The following NCOA3 variants were observed in gnomAD, a reference collection of about 807,000 sequenced individuals.
NCOA3 encodes the protein CBP-interacting protein.
Under a neutral mutation model 158.8 loss-of-function variants are expected in NCOA3, and 51 were observed. That is an observed-to-expected ratio of 0.32 (90% CI 0.26 to 0.41). The LOEUF is 0.41. Ranked by LOEUF, NCOA3 falls within the 10% of genes least tolerant of loss-of-function variation. The pLI, the probability that NCOA3 is intolerant of heterozygous loss-of-function variation, is 1.00. For synonymous variants in NCOA3, 537 were observed against 592.4 expected (o/e 0.91, Z 1.36); for missense variants, 1,510 against 1,746.6 (o/e 0.86, Z 2.41).
At chr20:47,513,238 T>C (rs1428751284) in intron 1 of NCOA3, among the ~76,000 whole-genome samples, 2 of 152,142 alleles carry the variant, frequency 1.3e-5, no homozygotes, top group African/African-American at 4.8e-5. Context: ...GCCATTCTAC[T>C]TCTGGGTTCC....
intron 3 of NCOA3, 72 bp from the exon 4 acceptor site, chr20:47,623,839 A>G: frequency 1.4e-6 from 2 of 1,423,954 alleles, no homozygotes; most frequent in Non-Finnish European, 9.6e-7. Context: ...ATAGGGGCTG[A>G]TTCTGCTAAC....
chr20:47,543,688 T>G (rs543983689), intron 1 of NCOA3, among the ~76,000 whole-genome samples: 2 of 152,238 alleles, frequency 1.3e-5, no homozygotes, highest in African/African-American at 4.8e-5. Context: ...TTTTGTGCTT[T>G]TAGTGTAGAC....
intron 1 of NCOA3, among the ~76,000 whole-genome samples, chr20:47,521,340 A>G (rs1379532870): frequency 2.0e-5 from 3 of 151,590 alleles, no homozygotes; most frequent in Non-Finnish European, 4.4e-5. Flanking sequence ...CTCGAATATA[A>G]GATTTTCTTT....
At chr20:47,601,525 G>A (rs1278753404) in intron 2 of NCOA3, among the ~76,000 whole-genome samples, 1 of 152,234 alleles carries the variant, frequency 6.6e-6, no homozygotes, top group Non-Finnish European at 1.5e-5. Flanking sequence ...AATAGAATTA[G>A]CCTAAATATC....
chr20:47,518,516 C>T (rs1018991560), intron 1 of NCOA3, among the ~76,000 whole-genome samples: 1 of 151,020 alleles, frequency 6.6e-6, no homozygotes, highest in Non-Finnish European at 1.5e-5. Flanking sequence ...CTCCACCTCC[C>T]GGGTTTTCAA....
chr20:47,623,842 C>G (rs1475273425), intron 3 of NCOA3, 69 bp from the exon 4 acceptor site: 1 of 1,426,656 alleles, frequency 7.0e-7, no homozygotes, highest in African/African-American at 1.5e-5. Context: ...GGGGCTGATT[C>G]TGCTAACAGC....
At chr20:47,561,956 T>TC (rs2085113679) in intron 1 of NCOA3, among the ~76,000 whole-genome samples, 1 of 151,944 alleles carries the variant, frequency 6.6e-6, no homozygotes. Context: ...CATTGATCAT[T>TC]TTATTGTCCC....
chr20:47,519,820 T>C (rs1462669667), intron 1 of NCOA3, among the ~76,000 whole-genome samples: 1 of 151,832 alleles, frequency 6.6e-6, no homozygotes, highest in East Asian at 1.9e-4. Context: ...TGGAGTGCAA[T>C]GGCACAATCT....
intron 2 of NCOA3, among the ~76,000 whole-genome samples, chr20:47,597,613 C>T (rs1239832392): frequency 4.0e-5 from 6 of 151,550 alleles, no homozygotes; most frequent in East Asian, 2.0e-4. Context: ...CTCAGCCTCC[C>T]GAGTAGCTGG....
At chr20:47,553,842 A>G (rs901050906) in intron 1 of NCOA3, among the ~76,000 whole-genome samples, 15 of 152,132 alleles carry the variant, frequency 9.9e-5, no homozygotes, top group Non-Finnish European at 2.1e-4. Flanking sequence ...TATTGTGAAT[A>G]GTGCCGCAAT....
chr20:47,651,173 C>A lies in NCOA3; in HGVS notation c.3843C>A (p.Ser1281Arg), dbSNP rs1568758915. 6.2e-7 allele frequency: 1 copy of A among 1,613,986 alleles called. No homozygotes were observed. The change falls in exon 20 of 23, where the codon AGC (serine) becomes AGA (arginine). Residue 1281 changes from serine (S) to arginine (R), a missense_variant. By Grantham distance (110) the Ser-to-Arg change is moderately radical (BLOSUM62 -1). Transcript: ENST00000371998. ...AACAGCAGCAAACCCAGGCCTTCAG[C>A]CCACCTCCTAATGTGACTGCTTCCC... ...QQQQQQTQAFSPPPNVTASPS... is the reference protein window; with the variant it reads ...QQQQQQTQAFRPPPNVTASPS...
chr20:47,618,691 T>A (rs1229086963), intron 2 of NCOA3, among the ~76,000 whole-genome samples: 1 of 152,198 alleles, frequency 6.6e-6, no homozygotes, highest in Non-Finnish European at 1.5e-5. Context: ...GGTTGGACTC[T>A]GAAGGAGTAA....
intron 1 of NCOA3, among the ~76,000 whole-genome samples, chr20:47,502,477 C>A (rs772579107): frequency 6.6e-6 from 1 of 152,152 alleles, no homozygotes; most frequent in Admixed American, 6.6e-5. Flanking sequence ...ACCCCCCCCA[C>A]CCCAGCCTCC....
chr20:47,638,964 A>T, intron 13 of NCOA3, 44 bp from the exon 14 acceptor site: 1 of 1,462,076 alleles, frequency 6.8e-7, no homozygotes. Context: ...GATTATTTAT[A>T]TATTAAATCA....
intron 2 of NCOA3, among the ~76,000 whole-genome samples, chr20:47,606,681 A>G (rs1212777717): frequency 6.6e-6 from 1 of 152,218 alleles, no homozygotes; most frequent in African/African-American, 2.4e-5. Flanking sequence ...CGGGAAAAGC[A>G]CTTGCGCAGT....
chr20:47,582,097 T>TC (rs1374734509), intron 1 of NCOA3, among the ~76,000 whole-genome samples: 3 of 152,210 alleles, frequency 2.0e-5, no homozygotes, highest in Non-Finnish European at 4.4e-5. Flanking sequence ...TGATCACTTT[T>TC]CAAGATTCAG....
chr20:47,653,475 T>C lies in NCOA3; in HGVS notation c.*58T>C. The C allele has an allele frequency of 6.3e-7, 1 of 1,575,458 alleles. No individual in the cohort carries two copies. The highest frequency in any genetic ancestry group is 8.7e-7 in the Non-Finnish European group (1 of 1,151,698). On this transcript the variant is annotated 3_prime_UTR_variant, in exon 23 of 23. Transcript: ENST00000371998. Reference sequence around the variant, plus strand: ...CTGTACAAATGACACTGCACTAGGATTATTGGGAAGGAATCATTGTTCCAG... The same window carrying C: ...CTGTACAAATGACACTGCACTAGGACTATTGGGAAGGAATCATTGTTCCAG...
chr20:47,613,526 T>C (rs79176892), intron 2 of NCOA3, among the ~76,000 whole-genome samples: 2,563 of 151,662 alleles, frequency 0.017, 72 homozygotes, highest in African/African-American at 0.059. Flanking sequence ...TGTTATACTT[T>C]ATCCTACAAA....
chr20:47,546,370 T>C lies in NCOA3; in HGVS notation c.-98-36813T>C, dbSNP rs6018539. 7.1e-3 allele frequency among the ~76,000 whole-genome samples: 1,081 copies of C among 152,286 alleles called. 18 individuals carry two copies. The highest frequency in any genetic ancestry group is 0.025 in the African/African-American group (1,026 of 41,542). ...TTCCTGCATTTTACTCTTGTTTCCT[T>C]GTATCCTGTTAGTAACGTAACAGCT... On this transcript the variant is annotated intron_variant, in intron 1 of 22. Transcript: ENST00000371998.
Sources: allele counts gnomAD v4.1 joint callset (sites outside exome capture counted in the v4.1 genomes callset), GRCh38; gene constraint gnomAD v4.1.1; transcripts MANE v1.5; gene names NCBI Gene and HGNC (gene_info 2026-07-23, HGNC 2026-07-21).